GRIK1: variants seen among roughly 807,000 people sequenced by gnomAD.
GRIK1 encodes the protein glutamate receptor ionotropic, kainate 1.
A neutral mutation model predicts 105.7 loss-of-function variants in GRIK1; 69 were observed. The observed-to-expected ratio is 0.65, with a 90% CI of 0.54 to 0.80. GRIK1 has a LOEUF of 0.80. GRIK1 is among the 30% of genes least tolerant of loss of function. The probability of loss-of-function intolerance (pLI) is 0.00; values close to 1 mark genes in which losing one functional copy is unlikely to be tolerated. For synonymous variants in GRIK1, 438 were observed against 431.3 expected, an observed-to-expected ratio of 1.02 and a Z score of -0.19; for missense variants, 1,109 against 1,167.3, an observed-to-expected ratio of 0.95 and a Z score of 0.73.
intron 1 of GRIK1, among the ~76,000 whole-genome samples, chr21:29,832,663 G>A (rs952086749): frequency 2.0e-5 from 3 of 152,160 alleles, no homozygotes; most frequent in African/African-American, 7.2e-5. Flanking sequence ...AGCGTTGTGA[G>A]GTTTTACAAG....
At chr21:29,903,441 A>G (rs1251093129) in intron 1 of GRIK1, among the ~76,000 whole-genome samples, 2 of 152,186 alleles carry the variant, frequency 1.3e-5, no homozygotes, top group Admixed American at 6.5e-5. Flanking sequence ...TACAAGAAAA[A>G]AAGCAAACAA....
intron 1 of GRIK1, among the ~76,000 whole-genome samples, chr21:29,854,395 G>A (rs1216907215): frequency 6.6e-6 from 1 of 152,052 alleles, no homozygotes; most frequent in Non-Finnish European, 1.5e-5. Flanking sequence ...ATGAGATTTG[G>A]AGGGGACAAA....
intron 1 of GRIK1, among the ~76,000 whole-genome samples, chr21:29,764,271 T>G (rs967127572): frequency 1.3e-5 from 2 of 152,198 alleles, no homozygotes; most frequent in Non-Finnish European, 2.9e-5. Flanking sequence ...AATACTACTT[T>G]CAGTTTACTA....
In GRIK1 at chr21:29,560,278, G is replaced by GT. The variant is rs200019884; in HGVS notation, c.2356+1345dup. Among the ~76,000 whole-genome samples, 563 of 124,614 alleles carry GT rather than the reference G, an allele frequency of 4.5e-3. 16 individuals are homozygous for GT. Among genetic ancestry groups the GT allele is most frequent in the African/African-American group, 0.016 (521 of 33,560 alleles). The allele number at this position is 124,614 out of a possible 152,430, so 81.8% of individuals were successfully genotyped here. Reference sequence around the variant, plus strand: ...CTATACCAGGACCTTATATGATACAGTTTTCTTTCTTTCTTTCTTTCTTTC... The same window carrying GT: ...CTATACCAGGACCTTATATGATACAGTTTTTCTTTCTTTCTTTCTTTCTTTC... On this transcript the variant is annotated intron_variant, in intron 15 of 17. Coordinates refer to ENST00000327783, the MANE Select transcript of GRIK1 (RefSeq NM_001330994.2).
chr21:29,835,594 T>G (rs1219598115), intron 1 of GRIK1, among the ~76,000 whole-genome samples: 4 of 152,152 alleles, frequency 2.6e-5, no homozygotes. Flanking sequence ...TTGAGGACAT[T>G]TTAGGGTATT....
chr21:29,779,765 T>C (rs1361292890), intron 1 of GRIK1, among the ~76,000 whole-genome samples: 2 of 152,202 alleles, frequency 1.3e-5, no homozygotes, highest in Non-Finnish European at 2.9e-5. Flanking sequence ...TACTATGTGA[T>C]AATATCGTTT....
intron 1 of GRIK1, among the ~76,000 whole-genome samples, chr21:29,901,368 T>C (rs2070400409): frequency 6.6e-6 from 1 of 152,072 alleles, no homozygotes; most frequent in African/African-American, 2.4e-5. Context: ...AGCTGGTTTT[T>C]TGAAAAGATC....
At chr21:29,697,026 C>A (rs2063716803) in intron 1 of GRIK1, among the ~76,000 whole-genome samples, 1 of 152,072 alleles carries the variant, frequency 6.6e-6, no homozygotes, top group African/African-American at 2.4e-5. Context: ...AAAAAGTGAA[C>A]AAGAAGATTA....
chr21:29,846,450 A>AG (rs1491290964), intron 1 of GRIK1, among the ~76,000 whole-genome samples: 2,791 of 110,970 alleles, frequency 0.025, 35 homozygotes, highest in East Asian at 0.059. Context: ...AGAAGGAAAG[A>AG]AGGAAAGAGA....
intron 1 of GRIK1, among the ~76,000 whole-genome samples, chr21:29,799,178 C>T (rs1423099296): frequency 1.3e-5 from 2 of 152,176 alleles, no homozygotes; most frequent in African/African-American, 4.8e-5. Context: ...GACATTTCAA[C>T]CTTTAATGTG....
intron 1 of GRIK1, among the ~76,000 whole-genome samples, chr21:29,817,024 A>G (rs2067172404): frequency 6.6e-6 from 1 of 152,150 alleles, no homozygotes; most frequent in South Asian, 2.1e-4. Context: ...GCATGCATGC[A>G]TCAAAATATC....
intron 1 of GRIK1, among the ~76,000 whole-genome samples, chr21:29,709,441 C>T (rs148253474): frequency 9.5e-4 from 144 of 151,910 alleles, no homozygotes; most frequent in African/African-American, 3.1e-3. Flanking sequence ...CCACCATGCC[C>T]GGCTAATTTT....
chr21:29,872,384 G>T (rs1480601820), intron 1 of GRIK1, among the ~76,000 whole-genome samples: 3 of 151,832 alleles, frequency 2.0e-5, no homozygotes, highest in Non-Finnish European at 4.4e-5. Flanking sequence ...TAGTAGAGAC[G>T]GGGTTTCATC....
At chr21:29,834,755 A>C (rs1296972409) in intron 1 of GRIK1, among the ~76,000 whole-genome samples, 1 of 150,892 alleles carries the variant, frequency 6.6e-6, no homozygotes, top group Non-Finnish European at 1.5e-5. Context: ...CATTAGTATT[A>C]ATATTATTAA....
intron 1 of GRIK1, among the ~76,000 whole-genome samples, chr21:29,746,976 G>A (rs74356921): frequency 0.032 from 4,853 of 152,170 alleles, 274 homozygotes; most frequent in African/African-American, 0.11. Context: ...ATTTTTCATC[G>A]GTTTACTTAG....
intron 1 of GRIK1, among the ~76,000 whole-genome samples, chr21:29,867,842 AGG>A (rs1569174063): frequency 1.3e-4 from 19 of 149,214 alleles, no homozygotes; most frequent in East Asian, 3.9e-4. Flanking sequence ...GAAAGAAAGA[AGG>A]AAGGAAAGAG....
chr21:29,595,387 A>G (rs901570267), intron 9 of GRIK1, among the ~76,000 whole-genome samples: 2 of 128,894 alleles, frequency 1.6e-5, no homozygotes, highest in Non-Finnish European at 3.3e-5. Context: ...AGGTTCATCT[A>G]TTTACCAGTA....
At chr21:29,538,896 A>C (rs1055324499) in intron 16 of GRIK1, among the ~76,000 whole-genome samples, 5 of 152,170 alleles carry the variant, frequency 3.3e-5, no homozygotes. Context: ...AATTTTTTCT[A>C]CTTGATTTCA....
At chr21:29,865,167 G>T (rs2146106815) in intron 1 of GRIK1, among the ~76,000 whole-genome samples, 1 of 152,256 alleles carries the variant, frequency 6.6e-6, no homozygotes, top group East Asian at 1.9e-4. Context: ...GCCTACAGTA[G>T]GTGAGTCAAA....
Sources: gnomAD v4.1 joint callset for allele counts (sites outside exome capture counted in the v4.1 genomes callset) on GRCh38, gnomAD v4.1.1 for gene constraint, MANE v1.5 for transcripts, NCBI Gene and HGNC (gene_info 2026-07-23, HGNC 2026-07-21) for gene names.